The following CPOX variants were observed in gnomAD, a reference collection of about 807,000 sequenced individuals.
CPOX encodes the protein coproporphyrinogen oxidase, also known as oxygen-dependent coproporphyrinogen-III oxidase, mitochondrial.
CPOX carries 24 observed loss-of-function variants against 48.9 expected under a neutral mutation model. The ratio of observed to expected loss-of-function variants is 0.49; its 90% CI spans 0.36 to 0.69. CPOX has a LOEUF of 0.69. Ranked by LOEUF, CPOX falls within the 30% of genes least tolerant of loss-of-function variation. CPOX has a pLI of 0.00. For missense variants in CPOX, 549 were observed against 597.3 expected (o/e 0.92, Z 0.84); for synonymous variants, 249 against 234.6 (o/e 1.06, Z -0.56).
chr3:98,572,921 T>C, the CPOX span, among the ~76,000 whole-genome samples: 121,056 of 152,176 alleles, frequency 0.8, 48,601 homozygotes, highest in African/African-American at 0.9. Flanking sequence ...CCAAAATGTG[T>C]GTATTTGTGA....
intron 4 of CPOX, among the ~76,000 whole-genome samples, chr3:98,587,495 C>T (rs1247985345): frequency 6.8e-6 from 1 of 148,058 alleles, no homozygotes; most frequent in Non-Finnish European, 1.5e-5. Context: ...GTGTTCTTGC[C>T]GGTGGGGTCT....
At chr3:98,592,911 C>A in intron 1 of CPOX, 38 bp downstream of exon 1, 1 of 1,588,376 alleles carries the variant, frequency 6.3e-7, no homozygotes, top group Non-Finnish European at 8.6e-7. Context: ...GACCCTTTTT[C>A]CCTGTCTCCA....
the CPOX span, among the ~76,000 whole-genome samples, chr3:98,573,636 T>TTCATATTC: frequency 1.3e-5 from 2 of 152,168 alleles, no homozygotes; most frequent in African/African-American, 4.8e-5. Context: ...TACTGGTTCT[T>TTCATATTC]TCAAGAATTT....
In CPOX at chr3:98,591,047, A is replaced by G; in HGVS notation, c.665T>C (p.Met222Thr). The G allele has an allele frequency of 1.9e-6, 3 of 1,613,984 alleles. No individual in the cohort carries two copies. The highest frequency in any genetic ancestry group is 2.5e-6 in the Non-Finnish European group (3 of 1,179,886). ...CTTCAGAACTTTTCCTCTGCTTCTC[A>G]TTTGTTTTGCAGCTTCCTCTGAAAG... The part of the protein sequence containing the change: ...GNLSEEAAKQ[M>T]RSRGKVLKTK... Residue 222 changes from methionine (M) to threonine (T), a missense_variant, in exon 2 of 7, where the codon ATG (methionine) becomes ACG (threonine). Physicochemically the swap from Met to Thr is moderately conservative, Grantham distance 81. This residue lies in a region of CPOX where 336 missense variants were observed against 318.1 expected (regional missense o/e 1.06). Coordinates refer to ENST00000647941, the MANE Select transcript of CPOX (RefSeq NM_000097.7).
the CPOX span, among the ~76,000 whole-genome samples, chr3:98,571,733 A>G: frequency 6.6e-6 from 1 of 151,802 alleles, no homozygotes; most frequent in East Asian, 1.9e-4. Context: ...TGTATTAGTT[A>G]TGTCTCATAG....
intron 3 of CPOX, 34 bp downstream of exon 3, chr3:98,590,598 C>T (rs368918389): frequency 1.5e-5 from 21 of 1,417,006 alleles, no homozygotes; most frequent in Admixed American, 1.2e-4. Flanking sequence ...ACATTTTGCA[C>T]GACAGTACTT....
At chr3:98,577,286 TTC>T (rs1707177067), downstream of CPOX, among the ~76,000 whole-genome samples, 1 of 152,126 alleles carries the variant, frequency 6.6e-6, no homozygotes, top group African/African-American at 2.4e-5. Flanking sequence ...GACTTTAGAA[TTC>T]TGTCTGGAGA....
chr3:98,584,019 CACA>C (rs769174864), intron 5 of CPOX, among the ~76,000 whole-genome samples: 9 of 152,140 alleles, frequency 5.9e-5, no homozygotes, highest in Admixed American at 1.3e-4. Flanking sequence ...TGCAATGATA[CACA>C]ACAACGACTT....
chr3:98,578,849 G>T (rs532841325), downstream of CPOX, among the ~76,000 whole-genome samples: 92 of 152,198 alleles, frequency 6.0e-4, no homozygotes, highest in African/African-American at 2.0e-3. Flanking sequence ...TAGCCATTTG[G>T]GTTGTTTCTA....
At chr3:98,582,893 C>A (rs530833604) in intron 5 of CPOX, among the ~76,000 whole-genome samples, 4 of 152,330 alleles carry the variant, frequency 2.6e-5, no homozygotes, top group African/African-American at 9.6e-5. Context: ...CTAACTCTCA[C>A]CATTTATCAT....
At chr3:98,577,331 A>G (rs1707177966), downstream of CPOX, among the ~76,000 whole-genome samples, 1 of 152,168 alleles carries the variant, frequency 6.6e-6, no homozygotes. Context: ...CAGGGTGGTG[A>G]TAATGGGACC....
the CPOX span, among the ~76,000 whole-genome samples, chr3:98,572,854 C>T: frequency 2.0e-5 from 3 of 152,108 alleles, no homozygotes; most frequent in Admixed American, 6.5e-5. Context: ...ATTGTAAAAA[C>T]GTATACACTA....
rs746220112 is a variant in CPOX at position 98,585,545 on chromosome 3, G to A, written c.1068C>T (p.Ser356=). Residue 356 remains serine, a synonymous_variant, in exon 5 of 7, where the codon AGC becomes AGT. Coordinates refer to ENST00000647941, the MANE Select transcript of CPOX (RefSeq NM_000097.7). ...AAGAAGGAACTACAGCCCTGGCACA[G>A]CTCTGTACAAAGCGAAACACCTCCT... ...SKEEVFRFVQ[S]CARAVVPSYI... is the part of the protein sequence containing the mutation. 6.2e-7 allele frequency: 1 copy of A among 1,614,084 alleles called. No individual in the cohort carries two copies. Among genetic ancestry groups the A allele is most frequent in the Non-Finnish European group, 8.5e-7 (1 of 1,180,012 alleles).
the CPOX span, among the ~76,000 whole-genome samples, chr3:98,571,825 T>C: frequency 2.0e-5 from 3 of 152,198 alleles, no homozygotes; most frequent in African/African-American, 7.2e-5. Context: ...GATCCAAGAC[T>C]GGGCTAAGAA....
chr3:98,589,397 A>G (rs1707432263), intron 3 of CPOX, among the ~76,000 whole-genome samples: 1 of 152,192 alleles, frequency 6.6e-6, no homozygotes, highest in Non-Finnish European at 1.5e-5. Context: ...GCAAGGAATG[A>G]TATGCAGGGC....
At chr3:98,592,927 C>T (rs1184965247) in intron 1 of CPOX, 22 bp downstream of exon 1, 2 of 1,604,900 alleles carry the variant, frequency 1.2e-6, no homozygotes, top group African/African-American at 1.3e-5. Flanking sequence ...CTCCAACTCC[C>T]GCCAGGGGCC....
rs1475899183 is a variant in CPOX at position 98,587,507 on chromosome 3, T to TGCA, written c.953+1203_953+1205dup. On this transcript the variant is annotated intron_variant, in intron 4 of 6. Coordinates refer to ENST00000647941, the MANE Select transcript of CPOX (RefSeq NM_000097.7). ...TGAGTGTTCTTGCCGGTGGGGTCTCTGCAGAGTCCTGAGGCAGTGCACAAC... is the reference window on the plus strand; with the variant it reads ...TGAGTGTTCTTGCCGGTGGGGTCTCTGCAGCAGAGTCCTGAGGCAGTGCACAAC... Among the ~76,000 whole-genome samples, 11 of 149,138 alleles carry TGCA rather than the reference T, an allele frequency of 7.4e-5. No homozygotes were observed. In the East Asian group the frequency reaches 2.2e-3, roughly 29 times the overall value.
chr3:98,572,510 TATTG>T, the CPOX span, among the ~76,000 whole-genome samples: 30 of 152,358 alleles, frequency 2.0e-4, no homozygotes, highest in East Asian at 1.3e-3. Flanking sequence ...TGCCATTTTT[TATTG>T]ATTGATAGGA....
chr3:98,581,127 G>A (rs1172595549), intron 6 of CPOX, among the ~76,000 whole-genome samples: 2 of 151,932 alleles, frequency 1.3e-5, no homozygotes, highest in East Asian at 3.9e-4. Flanking sequence ...AAACAAATAG[G>A]CAGAGAAGGT....
Sources: allele counts gnomAD v4.1 joint callset (sites outside exome capture counted in the v4.1 genomes callset), GRCh38; gene constraint gnomAD v4.1.1; regional missense constraint gnomAD v4.1.1; transcripts MANE v1.5; gene names NCBI Gene and HGNC (gene_info 2026-07-23, HGNC 2026-07-21).